Variants in RAB4A observed in about 807,000 individuals in gnomAD.
RAB4A encodes RAB4A, member RAS oncogene family.
A neutral mutation model predicts 34.5 loss-of-function variants in RAB4A; 20 were observed. The observed-to-expected ratio is 0.58, with a 90% confidence interval of 0.41 to 0.84. The LOEUF (loss-of-function observed/expected upper bound fraction) is 0.84, where lower values mean the gene tolerates loss of function less well. Ranked by LOEUF, RAB4A falls within the 40% of genes least tolerant of loss-of-function variation. The pLI is 0.00. For synonymous variants in RAB4A, 102 were observed against 100.0 expected, an observed-to-expected ratio of 1.02 and a Z score of -0.12; for missense variants, 228 against 274.5, an observed-to-expected ratio of 0.83 and a Z score of 1.20.
At chr1:229,294,606 G>A (rs911661667) in intron 3 of RAB4A, among the ~76,000 whole-genome samples, 2 of 152,340 alleles carry the variant, frequency 1.3e-5, no homozygotes, top group African/African-American at 4.8e-5. Flanking sequence ...TTGGGAGGCC[G>A]AGGCGGGTGG....
intron 3 of RAB4A, among the ~76,000 whole-genome samples, chr1:229,291,460 A>C (rs1657067099): frequency 6.7e-6 from 1 of 148,266 alleles, no homozygotes; most frequent in Admixed American, 6.8e-5. Flanking sequence ...CAGGAGGACC[A>C]GGGGAACAAG....
intron 6 of RAB4A, among the ~76,000 whole-genome samples, chr1:229,302,309 A>ATATTTTTTTTTTTTTTTT (rs1657431515): frequency 2.8e-5 from 1 of 35,900 alleles, no homozygotes; most frequent in Non-Finnish European, 5.4e-5. Context: ...ATATATATAT[A>ATATTTTTTTTTTTTTTTT]TTTTTTTTTT....
chr1:229,300,333 T>C (rs1657348442), intron 6 of RAB4A, among the ~76,000 whole-genome samples: 1 of 152,288 alleles, frequency 6.6e-6, no homozygotes, highest in Admixed American at 6.5e-5. Context: ...GAAAACAAAC[T>C]GAAGGGAGGA....
intron 1 of RAB4A, among the ~76,000 whole-genome samples, chr1:229,282,561 G>C (rs545946432): frequency 2.6e-5 from 4 of 152,120 alleles, no homozygotes; most frequent in Non-Finnish European, 5.9e-5. Context: ...CAGGACTCCA[G>C]TGACATGAAT....
At chr1:229,293,152 T>C (rs956904517) in intron 3 of RAB4A, among the ~76,000 whole-genome samples, 1 of 152,246 alleles carries the variant, frequency 6.6e-6, no homozygotes, top group African/African-American at 2.4e-5. Context: ...GTGGAGGAGA[T>C]GCTTAGGAGA....
Position 229,304,539 on chromosome 1 carries a change from C to T in RAB4A, c.*746C>T, listed in dbSNP as rs34948758. ...AAGGATTCTGGTACCTTTACCCAAA[C>T]CTACTGGGCTACTAATACTTCTCTC... On this transcript the variant is annotated 3_prime_UTR_variant, in exon 8 of 8. Transcript: ENST00000366690. The T allele has an allele frequency of 1.3e-5, 2 of 152,174 alleles. No homozygotes were observed. The highest frequency in any genetic ancestry group is 2.4e-5 in the African/African-American group (1 of 41,428). 9.4% of individuals were successfully genotyped at this position (152,174 alleles called of 1,614,324 possible). A position where few individuals can be genotyped will look rare whatever the true frequency, so the allele number is the denominator to read the frequency against.
intron 6 of RAB4A, among the ~76,000 whole-genome samples, chr1:229,301,495 G>A (rs1657385304): frequency 6.6e-6 from 1 of 152,108 alleles, no homozygotes; most frequent in Admixed American, 6.5e-5. Context: ...AATCCTTACA[G>A]TTGGCTTACT....
At chr1:229,276,217 G>A (rs536686713) in intron 1 of RAB4A, among the ~76,000 whole-genome samples, 1 of 151,402 alleles carries the variant, frequency 6.6e-6, no homozygotes, top group East Asian at 1.9e-4. Context: ...ATGTGCACAC[G>A]AGTCCCCTGG....
chr1:229,305,525 G>T lies in RAB4A; in HGVS notation c.*1732G>T. The T allele has an allele frequency of 2.7e-6, 1 of 377,006 alleles. No individual in the cohort carries two copies. The highest frequency in any genetic ancestry group is 4.5e-5 in the East Asian group (1 of 22,346). The allele number at this position is 377,006 out of a possible 1,614,324, so 23.4% of individuals were successfully genotyped here. A position where few individuals can be genotyped will look rare whatever the true frequency, so the allele number is the denominator to read the frequency against. ...CCAAACCATGGTGGTTCTTAATCAGGCTTTGCCTTTAGGGAGAATGAGGAG... is the reference window on the plus strand; with the variant it reads ...CCAAACCATGGTGGTTCTTAATCAGTCTTTGCCTTTAGGGAGAATGAGGAG... On this transcript the variant is annotated 3_prime_UTR_variant, in exon 8 of 8. Transcript: ENST00000366690.
intron 4 of RAB4A, 119 bp downstream of exon 4, chr1:229,296,029 C>G: frequency 9.7e-7 from 1 of 1,034,378 alleles, no homozygotes; most frequent in Non-Finnish European, 1.4e-6. Flanking sequence ...GGTGGTGTGG[C>G]TGGCATCCAG....
intron 2 of RAB4A, 68 bp from the exon 3 acceptor site, chr1:229,288,661 C>T (rs1027218480): frequency 2.7e-5 from 22 of 810,220 alleles, no homozygotes; most frequent in Non-Finnish European, 6.1e-6. Flanking sequence ...TTTAGTGTCA[C>T]TTGTTTAAAT....
intron 6 of RAB4A, among the ~76,000 whole-genome samples, chr1:229,300,381 T>C (rs1484062827): frequency 1.3e-5 from 2 of 152,200 alleles, no homozygotes; most frequent in Non-Finnish European, 2.9e-5. Flanking sequence ...TAAGGCATTT[T>C]TGAGTAATCC....
intron 1 of RAB4A, among the ~76,000 whole-genome samples, chr1:229,273,290 T>C (rs1317225361): frequency 6.6e-6 from 1 of 152,242 alleles, no homozygotes; most frequent in Non-Finnish European, 1.5e-5. Flanking sequence ...AACTGAACTT[T>C]TGAGCTTCAC....
chr1:229,279,054 T>C (rs2102836098), intron 1 of RAB4A, among the ~76,000 whole-genome samples: 2 of 152,370 alleles, frequency 1.3e-5, no homozygotes, highest in South Asian at 4.1e-4. Context: ...CAGCATCTCT[T>C]ATCTCAGTTT....
chr1:229,274,456 G>A (rs1469425301), intron 1 of RAB4A, among the ~76,000 whole-genome samples: 2 of 152,160 alleles, frequency 1.3e-5, no homozygotes, highest in African/African-American at 4.8e-5. Context: ...TCCATAGACT[G>A]AGTAGTGTTG....
chr1:229,303,405 T>C lies in RAB4A; in HGVS notation c.*13-401T>C, dbSNP rs557322965. Among the ~76,000 whole-genome samples, 10 of 151,282 alleles carry C rather than the reference T, an allele frequency of 6.6e-5. No individual in the cohort carries two copies. In the South Asian group the frequency reaches 2.1e-3, roughly 32 times the overall value. On this transcript the variant is annotated intron_variant, in intron 7 of 7. Transcript: ENST00000366690. ...GAAGAACCCATAAGTTAAAGTTGGA[T>C]GTTCTAACTGAAAGAATTTATACTC...
intron 1 of RAB4A, among the ~76,000 whole-genome samples, chr1:229,281,810 T>C (rs1331403117): frequency 1.4e-5 from 1 of 74,032 alleles, no homozygotes; most frequent in African/African-American, 5.2e-5. Context: ...ACATAACTTA[T>C]CATAGTTATA....
In RAB4A at chr1:229,294,466, G is replaced by A. The variant is rs540631648; in HGVS notation, c.228-1382G>A. 3.3e-3 allele frequency among the ~76,000 whole-genome samples: 510 copies of A among 152,344 alleles called. 4 individuals carry two copies. Among genetic ancestry groups the A allele is most frequent in the Middle Eastern group, 0.01 (3 of 294 alleles). On this transcript the variant is annotated intron_variant, in intron 3 of 7. Coordinates refer to ENST00000366690, the MANE Select transcript of RAB4A (RefSeq NM_004578.4). ...GCAGAGAGGGTGGGGACCTTGACAG[G>A]CTTTTGGGGAGTAGCAGAGATGGAC...
intron 3 of RAB4A, among the ~76,000 whole-genome samples, chr1:229,295,623 C>T (rs539795806): frequency 4.7e-4 from 72 of 152,300 alleles, no homozygotes; most frequent in Non-Finnish European, 1.0e-4. Flanking sequence ...CATCAGAGAG[C>T]TGCATCCGCT....
Sources: gnomAD v4.1 joint callset for allele counts (sites outside exome capture counted in the v4.1 genomes callset) on GRCh38, gnomAD v4.1.1 for gene constraint, MANE v1.5 for transcripts, NCBI Gene and HGNC (gene_info 2026-07-23, HGNC 2026-07-21) for gene names.